Variants in EPHA5 observed in about 807,000 individuals in gnomAD.
The protein encoded by EPHA5 is EPH receptor A5.
Under a neutral mutation model 105.0 loss-of-function variants are expected in EPHA5, and 60 were observed. That is an observed-to-expected ratio of 0.57 (90% CI 0.46 to 0.71). EPHA5 has a LOEUF of 0.71. Among genes scored for constraint, EPHA5 ranks in the 30% least tolerant of loss-of-function variants. The pLI, the probability that EPHA5 is intolerant of heterozygous loss-of-function variation, is 0.00. For synonymous variants in EPHA5, 513 were observed against 449.1 expected, an observed-to-expected ratio of 1.14 and a Z score of -1.80; for missense variants, 1,218 against 1,274.7, an observed-to-expected ratio of 0.96 and a Z score of 0.68.
intron 8 of EPHA5, among the ~76,000 whole-genome samples, chr4:65,389,055 G>C: frequency 6.6e-6 from 1 of 151,976 alleles, no homozygotes; most frequent in South Asian, 2.1e-4. Context: ...TCTTTGGTAT[G>C]ATTACATAGA....
intron 3 of EPHA5, among the ~76,000 whole-genome samples, chr4:65,525,060 C>T (rs1344738207): frequency 6.6e-6 from 1 of 151,550 alleles, no homozygotes; most frequent in East Asian, 1.9e-4. Context: ...CATGTATAGT[C>T]TTATGGTGTA....
At chr4:65,657,016 T>C (rs1044539801) in intron 1 of EPHA5, among the ~76,000 whole-genome samples, 16 of 151,908 alleles carry the variant, frequency 1.1e-4, no homozygotes, top group African/African-American at 1.7e-4. Context: ...CCAAACTGTA[T>C]TTAAAAAGTC....
intron 8 of EPHA5, among the ~76,000 whole-genome samples, chr4:65,395,672 A>C (rs1721156334): frequency 6.6e-6 from 1 of 152,174 alleles, no homozygotes; most frequent in South Asian, 2.1e-4. Flanking sequence ...ACATAAGGAG[A>C]AATAGGATTG....
chr4:65,402,098 G>A (rs76129045), intron 8 of EPHA5, among the ~76,000 whole-genome samples: 2,104 of 152,112 alleles, frequency 0.014, 54 homozygotes, highest in African/African-American at 0.048. Flanking sequence ...ATTGTTCTCA[G>A]GAGATCTAAT....
chr4:65,383,067 T>C (rs1393002737), intron 8 of EPHA5, among the ~76,000 whole-genome samples: 1 of 149,328 alleles, frequency 6.7e-6, no homozygotes, highest in Non-Finnish European at 1.5e-5. Context: ...ATGTAAATTA[T>C]GTACAAATTT....
intron 5 of EPHA5, among the ~76,000 whole-genome samples, chr4:65,457,018 A>C (rs1338951436): frequency 1.3e-5 from 2 of 152,172 alleles, no homozygotes; most frequent in East Asian, 3.8e-4. Flanking sequence ...GCATAACTAA[A>C]AAGACAGAAA....
Position 65,607,780 on chromosome 4 carries a change from C to T in EPHA5, c.247-5476G>A, listed in dbSNP as rs533984818. Among the ~76,000 whole-genome samples, 26 of 152,274 alleles carry T rather than the reference C, an allele frequency of 1.7e-4. No individual in the cohort carries two copies. The South Asian group carries it at 5.2e-3, about 30-fold the overall frequency. On this transcript the variant is annotated intron_variant, in intron 2 of 16. Transcript: ENST00000613740. ...ATTGTGGAAAACACTGTGGCAATTCCTCAAGGATCTAGAACCTGAAATACC... is the reference window on the plus strand; with the variant it reads ...ATTGTGGAAAACACTGTGGCAATTCTTCAAGGATCTAGAACCTGAAATACC...
intron 5 of EPHA5, among the ~76,000 whole-genome samples, chr4:65,461,580 A>G (rs1267825533): frequency 6.6e-6 from 1 of 152,040 alleles, no homozygotes; most frequent in Non-Finnish European, 1.5e-5. Context: ...CCATGAAAAC[A>G]TATCACAAAA....
At chr4:65,398,303 C>G (rs1391916823) in intron 8 of EPHA5, among the ~76,000 whole-genome samples, 1 of 152,282 alleles carries the variant, frequency 6.6e-6, no homozygotes, top group South Asian at 2.1e-4. Flanking sequence ...CAGCAGTCCC[C>G]TGTCACCTTG....
At chr4:65,456,364 T>C (rs1430272271) in intron 5 of EPHA5, among the ~76,000 whole-genome samples, 7 of 151,944 alleles carry the variant, frequency 4.6e-5, no homozygotes, top group Admixed American at 3.3e-4. Context: ...AAGGAAACAG[T>C]AGTATAATCT....
chr4:65,625,513 A>G (rs1029459041), intron 2 of EPHA5, among the ~76,000 whole-genome samples: 4 of 152,166 alleles, frequency 2.6e-5, no homozygotes, highest in African/African-American at 7.2e-5. Context: ...ATAAGATATC[A>G]AACATTTAAA....
intron 5 of EPHA5, among the ~76,000 whole-genome samples, chr4:65,445,905 T>C (rs913146896): frequency 6.6e-6 from 1 of 152,172 alleles, no homozygotes; most frequent in Non-Finnish European, 1.5e-5. Flanking sequence ...TCTTAAATAC[T>C]GAGTTCATTC....
intron 3 of EPHA5, among the ~76,000 whole-genome samples, chr4:65,525,179 T>C (rs1223797206): frequency 6.6e-6 from 1 of 151,768 alleles, no homozygotes. Context: ...ATTAACTAGT[T>C]ATCTCTTTTT....
rs532510447 is a variant in EPHA5, at chr4:65,560,062, A to AT, written c.910+41578dup. Among the ~76,000 whole-genome samples the AT allele has an allele frequency of 8.6e-4, 131 of 152,222 alleles. No individual in the cohort carries two copies. In the Middle Eastern group the frequency reaches 0.014, roughly 16 times the overall value. On this transcript the variant is annotated intron_variant, in intron 3 of 16. Transcript: ENST00000613740. ...GTTGGCAGTTTAGTGAGAAAGCTTG[A>AT]TTTTTTATGACTGTGACATGTTGGG...
At chr4:65,667,934 A>G (rs1241262154) in intron 1 of EPHA5, among the ~76,000 whole-genome samples, 2 of 152,176 alleles carry the variant, frequency 1.3e-5, no homozygotes, top group African/African-American at 4.8e-5. Flanking sequence ...CAAAGCTGTT[A>G]TAATCCTCCA....
intron 2 of EPHA5, among the ~76,000 whole-genome samples, chr4:65,639,019 C>T (rs1035596744): frequency 6.6e-6 from 1 of 152,210 alleles, no homozygotes; most frequent in Non-Finnish European, 1.5e-5. Flanking sequence ...AACAGCAGCA[C>T]TGTGTGTTTA....
intron 2 of EPHA5, among the ~76,000 whole-genome samples, chr4:65,614,676 G>A (rs905379094): frequency 1.3e-5 from 2 of 151,768 alleles, no homozygotes; most frequent in African/African-American, 4.8e-5. Context: ...TGTTTATTAG[G>A]AGAAAACCTG....
chr4:65,519,552 A>G (rs1248651111), intron 3 of EPHA5, among the ~76,000 whole-genome samples: 1 of 149,156 alleles, frequency 6.7e-6, no homozygotes, highest in Non-Finnish European at 1.5e-5. Flanking sequence ...AGAAGGAAAT[A>G]AAGGGTATTC....
At chr4:65,617,701 G>A (rs1451946388) in intron 2 of EPHA5, among the ~76,000 whole-genome samples, 1 of 152,076 alleles carries the variant, frequency 6.6e-6, no homozygotes, top group Non-Finnish European at 1.5e-5. Context: ...AAGAAGGAAA[G>A]TTAAACTCAA....
Sources: gnomAD v4.1 joint callset for allele counts (sites outside exome capture counted in the v4.1 genomes callset) on GRCh38, gnomAD v4.1.1 for gene constraint, MANE v1.5 for transcripts, NCBI Gene and HGNC (gene_info 2026-07-23, HGNC 2026-07-21) for gene names.